Variants in COL22A1 observed in about 807,000 individuals in gnomAD.
The protein encoded by COL22A1 is collagen alpha-1(XXII) chain.
Under a neutral mutation model 248.9 loss-of-function variants are expected in COL22A1, and 221 were observed. The ratio of observed to expected loss-of-function variants is 0.89; its 90% CI spans 0.80 to 0.99. The LOEUF is 0.99. Ranked by LOEUF, COL22A1 falls within the 50% of genes least tolerant of loss-of-function variation. The pLI, the probability that COL22A1 is intolerant of heterozygous loss-of-function variation, is 0.00. For missense variants in COL22A1, 2,240 were observed against 2,179.0 expected, an observed-to-expected ratio of 1.03 and a Z score of -0.56; for synonymous variants, 891 against 793.4, an observed-to-expected ratio of 1.12 and a Z score of -2.07.
At chr8:138,734,838 A>G (rs935879749) in intron 23 of COL22A1, among the ~76,000 whole-genome samples, 1 of 152,236 alleles carries the variant, frequency 6.6e-6, no homozygotes, top group East Asian at 1.9e-4. Flanking sequence ...ATGCAGCCAT[A>G]AAAAAGGATG....
rs1815626395 is a variant in COL22A1 at position 138,913,818 on chromosome 8, C to T, written c.-272G>A. The stretch of plus-strand genomic sequence containing the variant: ...CCCGCAGTAAGTGTGGAGGCTTTCC[C>T]CAGGCCAGGGGGCCAGAGAGGGAAC... On this transcript the variant is annotated 5_prime_UTR_variant, in exon 1 of 65. The change creates a premature stop within an existing upstream ORF in the 5' untranslated region. Coordinates refer to ENST00000303045, the MANE Select transcript of COL22A1 (RefSeq NM_152888.3). 6.6e-6 allele frequency: 1 copy of T among 152,450 alleles called. No homozygotes were observed. The highest frequency in any genetic ancestry group is 2.1e-4 in the South Asian group (1 of 4,832). 9.4% of individuals were successfully genotyped at this position (152,450 alleles called of 1,614,324 possible).
chr8:138,901,477 C>T (rs1278970634), intron 1 of COL22A1, among the ~76,000 whole-genome samples: 2 of 151,206 alleles, frequency 1.3e-5, no homozygotes, highest in African/African-American at 4.9e-5. Context: ...GGTGATCCTC[C>T]CACCTCAGCC....
chr8:138,852,445 C>A (rs909686109), intron 3 of COL22A1, among the ~76,000 whole-genome samples: 1 of 152,168 alleles, frequency 6.6e-6, no homozygotes, highest in African/African-American at 2.4e-5. Context: ...AATGTTGGAG[C>A]CACAGAACAT....
intron 62 of COL22A1, among the ~76,000 whole-genome samples, chr8:138,594,461 C>T (rs1817358635): frequency 2.0e-5 from 3 of 152,196 alleles, no homozygotes; most frequent in South Asian, 2.1e-4. Context: ...GTGACTTAAT[C>T]AGTAGTGACC....
rs763532403 is a variant in COL22A1 at position 138,755,480 on chromosome 8, A to T, written c.1977+2T>A. On this transcript the variant is annotated splice_donor_variant, in intron 20 of 64. Coordinates refer to ENST00000303045, the MANE Select transcript of COL22A1 (RefSeq NM_152888.3). LOFTEE classifies it high-confidence loss of function. The stretch of plus-strand genomic sequence containing the variant: ...TGAGAAGAAGACGCGTGTGCCTCTT[A>T]CCTGTTCCCCTTTCAAGCCCTCTTG... 26 of 1,613,628 alleles carry T rather than the reference A, an allele frequency of 1.6e-5. No homozygotes were observed. The East Asian group carries it at 5.8e-4, about 36-fold the overall frequency.
chr8:138,784,486 A>G (rs1815332215), intron 12 of COL22A1, among the ~76,000 whole-genome samples: 1 of 152,156 alleles, frequency 6.6e-6, no homozygotes, highest in South Asian at 2.1e-4. Context: ...CCCTTGAGCC[A>G]CTTCCCCATT....
In COL22A1 at chr8:138,807,654, G is replaced by T; in HGVS notation, c.1494+114C>A. ...TTATCCATCTAATTTAACAAGCTCTGAGGCAAAATATTAGCAAGGCAGCAT... is the reference window on the plus strand; with the variant it reads ...TTATCCATCTAATTTAACAAGCTCTTAGGCAAAATATTAGCAAGGCAGCAT... On this transcript the variant is annotated intron_variant, in intron 10 of 64. Transcript: ENST00000303045. 3.0e-6 allele frequency: 3 copies of T among 1,001,522 alleles called. No individual in the cohort carries two copies. In the South Asian group the frequency reaches 4.5e-5, roughly 15 times the overall value. 62.0% of individuals were successfully genotyped at this position (1,001,522 alleles called of 1,614,324 possible).
chr8:138,859,513 A>T (rs1822292770), intron 3 of COL22A1, among the ~76,000 whole-genome samples: 1 of 152,230 alleles, frequency 6.6e-6, no homozygotes. Flanking sequence ...GGGGAATGAC[A>T]GCCAGATGTC....
At chr8:138,691,546 C>A (rs1185219392) in intron 35 of COL22A1, among the ~76,000 whole-genome samples, 6 of 80,598 alleles carry the variant, frequency 7.4e-5, no homozygotes, top group Non-Finnish European at 1.4e-4. Context: ...TGTGTATGTC[C>A]GTGTGTGCAT....
intron 6 of COL22A1, among the ~76,000 whole-genome samples, chr8:138,824,238 C>A (rs1819392702): frequency 6.6e-6 from 1 of 152,194 alleles, no homozygotes; most frequent in Non-Finnish European, 1.5e-5. Context: ...ACATGACTTT[C>A]CCATGTTTCT....
intron 41 of COL22A1, among the ~76,000 whole-genome samples, chr8:138,664,192 G>GGTGCGC (rs1554738426): frequency 1.2e-5 from 1 of 85,024 alleles, no homozygotes; most frequent in African/African-American, 4.0e-5. Flanking sequence ...TCCAACAAGG[G>GGTGCGC]GTGCGCGCGC....
chr8:138,601,323 C>G (rs550815747), intron 60 of COL22A1, among the ~76,000 whole-genome samples: 1 of 152,124 alleles, frequency 6.6e-6, no homozygotes, highest in Non-Finnish European at 1.5e-5. Flanking sequence ...ACTCTGCCCC[C>G]ACTTTTCTCA....
rs1826269760 is a variant in COL22A1, at chr8:138,685,379, C to A, written c.2863-67G>T. 9.1e-6 allele frequency: 12 copies of A among 1,321,676 alleles called. No homozygotes were observed. In the Admixed American group the frequency reaches 1.9e-4, roughly 21 times the overall value. The allele number at this position is 1,321,676 out of a possible 1,614,324, so 81.9% of individuals were successfully genotyped here. A position where few individuals can be genotyped will look rare whatever the true frequency, so the allele number is the denominator to read the frequency against. On this transcript the variant is annotated intron_variant, in intron 37 of 64. Coordinates refer to ENST00000303045, the MANE Select transcript of COL22A1 (RefSeq NM_152888.3). The stretch of plus-strand genomic sequence containing the variant: ...AGCACGAAGCTTTTCTATGGGGGAG[C>A]AGCTTGAGTAGGTTTGTAGGTTTCC...
At position 138,722,092 on chromosome 8, in the gene COL22A1, G is replaced by C; in HGVS notation, c.2248-3C>G. The C allele has an allele frequency of 1.3e-6, 2 of 1,575,842 alleles. No homozygotes were observed. Among genetic ancestry groups the C allele is most frequent in the Non-Finnish European group, 1.7e-6 (2 of 1,159,390 alleles). ...GGCCCGTCCTTTCCAGGGGGTCCCT[G>C]GGCCAAGAGGGGAAAACATAAATAA... On this transcript the variant is annotated splice_region_variant and splice_polypyrimidine_tract_variant and intron_variant, in intron 25 of 64. Transcript: ENST00000303045.
intron 7 of COL22A1, among the ~76,000 whole-genome samples, chr8:138,817,327 G>T (rs551243712): frequency 6.6e-6 from 1 of 152,178 alleles, no homozygotes; most frequent in Non-Finnish European, 1.5e-5. Context: ...CTCAGAGTTA[G>T]GATGTCAAGT....
chr8:138,619,492 G>A lies in COL22A1; in HGVS notation c.3788C>T (p.Pro1263Leu), dbSNP rs921452236. 13 of 1,614,110 alleles carry A rather than the reference G, an allele frequency of 8.1e-6. No homozygotes were observed. Among genetic ancestry groups the A allele is most frequent in the Non-Finnish European group, 1.1e-5 (13 of 1,179,970 alleles). ...GGCACCCTCTGGTCCTGGTAGACCT[G>A]GCTCTCCTGCTTTGCCCTGAGAGTA... Reference protein sequence around the residue: ...PPGEPGKAGEPGLPGPEGARG... With the variant: ...PPGEPGKAGELGLPGPEGARG... Residue 1263 changes from proline (P) to leucine (L), a missense_variant, in exon 53 of 65, where the codon CCA becomes CTA. By Grantham distance (98) the Pro-to-Leu change is moderately conservative. Coordinates refer to ENST00000303045, the MANE Select transcript of COL22A1 (RefSeq NM_152888.3).
intron 1 of COL22A1, among the ~76,000 whole-genome samples, chr8:138,904,553 C>T (rs987816448): frequency 6.6e-6 from 1 of 152,136 alleles, no homozygotes; most frequent in African/African-American, 2.4e-5. Context: ...CGTGGTAGAG[C>T]TGTAATAACC....
chr8:138,607,842 T>G, intron 57 of COL22A1, 94 bp downstream of exon 57: 1 of 1,255,606 alleles, frequency 8.0e-7, no homozygotes, highest in East Asian at 2.3e-5. Context: ...CACCGATGCT[T>G]CTAGGGACAG....
chr8:138,625,508 C>G (rs1820164977), intron 51 of COL22A1, among the ~76,000 whole-genome samples: 1 of 152,146 alleles, frequency 6.6e-6, no homozygotes, highest in Non-Finnish European at 1.5e-5. Context: ...CCTTGAACAG[C>G]TCGACTCTAA....
Sources: gnomAD v4.1 joint callset for allele counts (sites outside exome capture counted in the v4.1 genomes callset) on GRCh38, gnomAD v4.1.1 for gene constraint, MANE v1.5 for transcripts, NCBI Gene and HGNC (gene_info 2026-07-23, HGNC 2026-07-21) for gene names.